The following DPH6 variants were observed in gnomAD, a reference collection of about 807,000 sequenced individuals.
DPH6 encodes the protein diphthine--ammonia ligase.
Under a neutral mutation model 38.2 loss-of-function variants are expected in DPH6, and 33 were observed. The observed-to-expected ratio is 0.86, with a 90% CI of 0.65 to 1.15. The LOEUF (loss-of-function observed/expected upper bound fraction) is 1.15, where lower values mean the gene tolerates loss of function less well. DPH6 is among the 50% of genes most tolerant of loss of function. The probability of loss-of-function intolerance (pLI) is 0.00; values close to 1 mark genes in which losing one functional copy is unlikely to be tolerated. For missense variants in DPH6, 325 were observed against 320.0 expected (o/e 1.02, Z -0.12); for synonymous variants, 108 against 103.0 (o/e 1.05, Z -0.30).
At chr15:35,414,020 T>C (rs2141000128) in intron 5 of DPH6, among the ~76,000 whole-genome samples, 1 of 151,766 alleles carries the variant, frequency 6.6e-6, no homozygotes, top group East Asian at 1.9e-4. Flanking sequence ...ACTTAGTATG[T>C]TTTAACTAGG....
rs1478929328 is a variant in DPH6 at position 35,307,480 on chromosome 15, TA to T, written n.200+66040del. On this transcript the variant is annotated intron_variant and non_coding_transcript_variant, in intron 3 of 3. Coordinates refer to the DPH6 transcript ENST00000560386. ...TAATACCTGATCCTAGGTTGAGTCC[TA>T]AAAACAGTCCCGACCCTGTTTTTCC... Among the ~76,000 whole-genome samples, 36 of 152,164 alleles carry T rather than the reference TA, an allele frequency of 2.4e-4. 1 individual carries two copies. Among genetic ancestry groups the T allele is most frequent in the Non-Finnish European group, 5.1e-4 (35 of 68,036 alleles).
At chr15:35,245,735 C>A (rs2051633755) in intron 3 of DPH6, among the ~76,000 whole-genome samples, 1 of 150,746 alleles carries the variant, frequency 6.6e-6, no homozygotes, top group African/African-American at 2.4e-5. Flanking sequence ...CACATTTTAA[C>A]TTTTCACAAA....
intron 5 of DPH6, among the ~76,000 whole-genome samples, chr15:35,426,268 A>T (rs1296774827): frequency 6.6e-6 from 1 of 151,780 alleles, no homozygotes; most frequent in Non-Finnish European, 1.5e-5. Context: ...TATTCAAATC[A>T]CAATTAACTC....
At chr15:35,146,301 A>T in the DPH6 span, among the ~76,000 whole-genome samples, 1 of 152,198 alleles carries the variant, frequency 6.6e-6, no homozygotes, top group African/African-American at 2.4e-5. Context: ...ATTTGACCAC[A>T]GAATGTATTT....
intron 3 of DPH6, among the ~76,000 whole-genome samples, chr15:35,283,534 G>T (rs1244313944): frequency 6.6e-6 from 1 of 151,824 alleles, no homozygotes; most frequent in Non-Finnish European, 1.5e-5. Flanking sequence ...CCGTCCTCAT[G>T]ATCCGCCGCT....
chr15:35,520,234 A>ACAC, intron 3 of DPH6: 1 of 810,088 alleles, frequency 1.2e-6, no homozygotes, highest in Non-Finnish European at 1.5e-6. Flanking sequence ...AAAAAACAAA[A>ACAC]AAAAAACAAA....
At chr15:35,210,497 T>C in the DPH6 span, among the ~76,000 whole-genome samples, 2 of 152,200 alleles carry the variant, frequency 1.3e-5, no homozygotes, top group African/African-American at 4.8e-5. Flanking sequence ...AATTAACCAC[T>C]GTATTTGTTT....
In DPH6 at chr15:35,288,045, T is replaced by TCC. The variant is rs571398451; in HGVS notation, n.201-67465_201-67464dup. On this transcript the variant is annotated intron_variant and non_coding_transcript_variant, in intron 3 of 3. Transcript: ENST00000560386. ...GCAATGCTATGCTGAATAAGCATGC[T>TCC]CCCCTTGCCTGTCTGAATTCTATAT... 2.6e-3 allele frequency among the ~76,000 whole-genome samples: 392 copies of TCC among 152,290 alleles called. 2 individuals carry two copies. The highest frequency in any genetic ancestry group is 8.9e-3 in the African/African-American group (370 of 41,550).
the DPH6 span, among the ~76,000 whole-genome samples, chr15:35,163,467 G>A: frequency 6.6e-6 from 1 of 151,816 alleles, no homozygotes; most frequent in Non-Finnish European, 1.5e-5. Flanking sequence ...ATATTAATCT[G>A]AAGAAACGAA....
chr15:35,399,151 T>G (rs563262916), intron 6 of DPH6, among the ~76,000 whole-genome samples: 2 of 151,898 alleles, frequency 1.3e-5, no homozygotes, highest in Non-Finnish European at 2.9e-5. Flanking sequence ...GTGAGGAAAA[T>G]AGACTATGCA....
the DPH6 span, among the ~76,000 whole-genome samples, chr15:35,153,172 G>A: frequency 0.24 from 36,479 of 151,864 alleles, 4,677 homozygotes; most frequent in Admixed American, 0.28. Context: ...TATTGTATAC[G>A]GCTGCTGTCA....
the DPH6 span, among the ~76,000 whole-genome samples, chr15:35,182,869 C>A: frequency 6.6e-6 from 1 of 152,144 alleles, no homozygotes; most frequent in Non-Finnish European, 1.5e-5. Flanking sequence ...ATCACTAGAA[C>A]TTTGGCACCA....
At chr15:35,352,694 G>A (rs886921115) in intron 3 of DPH6, among the ~76,000 whole-genome samples, 2 of 152,110 alleles carry the variant, frequency 1.3e-5, no homozygotes, top group Non-Finnish European at 2.9e-5. Flanking sequence ...TGGACATTTG[G>A]CTTGGTTCCA....
At chr15:35,157,464 C>T in the DPH6 span, among the ~76,000 whole-genome samples, 1 of 151,992 alleles carries the variant, frequency 6.6e-6, no homozygotes, top group Admixed American at 6.6e-5. Context: ...TAAAGGAGTC[C>T]ATGAGCACCT....
chr15:35,398,932 G>C (rs933852774), intron 6 of DPH6, among the ~76,000 whole-genome samples: 1 of 152,022 alleles, frequency 6.6e-6, no homozygotes, highest in Admixed American at 6.6e-5. Context: ...TGTGTTTAGT[G>C]GTGTGCAAGC....
chr15:35,183,281 C>G, the DPH6 span, among the ~76,000 whole-genome samples: 1 of 152,096 alleles, frequency 6.6e-6, no homozygotes, highest in East Asian at 1.9e-4. Context: ...TAAAACTCTG[C>G]CAGTTCCCCT....
intron 5 of DPH6, among the ~76,000 whole-genome samples, chr15:35,435,467 G>C (rs1251257903): frequency 3.3e-5 from 5 of 152,182 alleles, no homozygotes; most frequent in Non-Finnish European, 7.3e-5. Context: ...CAACAGACTG[G>C]GGGTCTGCAT....
At position 35,544,358 on chromosome 15, in the gene DPH6, T is replaced by TGGGGGTTA. The variant is rs1303794405; in HGVS notation, c.23+1753_23+1760dup. Among the ~76,000 whole-genome samples the TGGGGGTTA allele has an allele frequency of 4.3e-4, 45 of 105,706 alleles. No individual in the cohort carries two copies. The East Asian group carries it at 0.012, about 29-fold the overall frequency. 69.3% of individuals were successfully genotyped at this position (105,706 alleles called of 152,430 possible). On this transcript the variant is annotated intron_variant, in intron 1 of 8. Coordinates refer to ENST00000256538, the MANE Select transcript of DPH6 (RefSeq NM_080650.4). ...TCACACACTGGGGCCTGTGGGGGTT[T>TGGGGGTTA]GGGGGTTAGGGGAGGGATAACATTA... is the stretch of plus-strand genomic sequence containing the variant.
intron 3 of DPH6, among the ~76,000 whole-genome samples, chr15:35,284,801 ATTTTTTT>A (rs71123127): frequency 0.21 from 16,478 of 79,280 alleles, 1,438 homozygotes; most frequent in Middle Eastern, 0.42. Context: ...AAGTCTCCAA[ATTTTTTT>A]TTTTTTTTTT....
Sources: gnomAD v4.1 joint callset for allele counts (sites outside exome capture counted in the v4.1 genomes callset) on GRCh38, gnomAD v4.1.1 for gene constraint, MANE v1.5 for transcripts, NCBI Gene and HGNC (gene_info 2026-07-23, HGNC 2026-07-21) for gene names.